CEMIP: variants seen among roughly 807,000 people sequenced by gnomAD.
The protein encoded by CEMIP is cell migration-inducing and hyaluronan-binding protein.
In CEMIP, 105 loss-of-function variants were observed where a neutral mutation model predicts 156.9. The ratio of observed to expected loss-of-function variants is 0.67; its 90% confidence interval spans 0.57 to 0.79. The LOEUF (loss-of-function observed/expected upper bound fraction) is 0.79, where lower values mean the gene tolerates loss of function less well. Ranked by LOEUF, CEMIP falls within the 30% of genes least tolerant of loss-of-function variation. The pLI is 0.00. For missense variants in CEMIP, 1,457 were observed against 1,769.4 expected (o/e 0.82, Z 3.17); for synonymous variants, 676 against 668.4 (o/e 1.01, Z -0.17).
At chr15:80,868,367 C>T (rs753261458) in intron 1 of CEMIP, among the ~76,000 whole-genome samples, 1 of 152,100 alleles carries the variant, frequency 6.6e-6, no homozygotes, top group Non-Finnish European at 1.5e-5. Flanking sequence ...TGTTATTGTT[C>T]CCATTTTACA....
At chr15:80,819,631 T>C (rs1346005188) in intron 1 of CEMIP, among the ~76,000 whole-genome samples, 1 of 152,124 alleles carries the variant, frequency 6.6e-6, no homozygotes, top group African/African-American at 2.4e-5. Flanking sequence ...TAAACAGAAA[T>C]TGGGGACTTT....
At chr15:80,800,262 G>T (rs1433968231) in intron 1 of CEMIP, among the ~76,000 whole-genome samples, 1 of 151,994 alleles carries the variant, frequency 6.6e-6, no homozygotes, top group Admixed American at 6.6e-5. Flanking sequence ...CATTCTTATA[G>T]CCCATGTGAG....
At chr15:80,919,117 G>C (rs1047661111) in intron 14 of CEMIP, among the ~76,000 whole-genome samples, 5 of 152,206 alleles carry the variant, frequency 3.3e-5, no homozygotes, top group African/African-American at 1.2e-4. Context: ...GGAAACCAAA[G>C]AGCTGGAGTT....
rs1899248414 is a variant in CEMIP, at chr15:80,896,860, G to T, written c.1411+800G>T. On this transcript the variant is annotated intron_variant, in intron 12 of 29. Transcript: ENST00000394685. ...TGAATAACTAACCTCCAAAAGGACA[G>T]GGAACAGGGTAGCTTCTGGGATCTG... is the stretch of plus-strand genomic sequence containing the variant. 2.0e-5 allele frequency among the ~76,000 whole-genome samples: 3 copies of T among 152,228 alleles called. 1 individual carries two copies. In the South Asian group the frequency reaches 6.2e-4, roughly 32 times the overall value.
At chr15:80,884,772 A>G (rs1898780229) in intron 7 of CEMIP, among the ~76,000 whole-genome samples, 1 of 152,190 alleles carries the variant, frequency 6.6e-6, no homozygotes, top group Admixed American at 6.5e-5. Context: ...GCAAATGACC[A>G]AGGAGAAGCA....
At chr15:80,913,776 C>T (rs982443523) in intron 14 of CEMIP, among the ~76,000 whole-genome samples, 1 of 152,240 alleles carries the variant, frequency 6.6e-6, no homozygotes, top group Admixed American at 6.5e-5. Context: ...AGACACTGGC[C>T]TCTGTAGTTA....
Position 80,931,980 on chromosome 15 carries a change from A to G in CEMIP, c.2734A>G (p.Asn912Asp). ...CAGCGCCCTGGCCTTCCGCCTGAAT[A>G]ATGCCTGGCAGAGCTGCCCCCATAA... ...HTSALAFRLN[N>D]AWQSCPHNNV... Residue 912 changes from asparagine (N) to aspartate (D), a missense_variant, in exon 22 of 30, where the codon AAT (asparagine) becomes GAT (aspartate). Physicochemically the swap from Asn to Asp is conservative, Grantham distance 23. This residue lies in a region of CEMIP where 798 missense variants were observed against 980.1 expected (regional missense o/e 0.81). Transcript: ENST00000394685. 6.2e-7 allele frequency: 1 copy of G among 1,614,164 alleles called. No individual in the cohort carries two copies.
At chr15:80,904,369 T>G (rs1169927902) in intron 12 of CEMIP, among the ~76,000 whole-genome samples, 7 of 152,060 alleles carry the variant, frequency 4.6e-5, no homozygotes, top group Non-Finnish European at 1.0e-4. Context: ...CCAGCCTGGG[T>G]GACAGGGCAA....
intron 1 of CEMIP, among the ~76,000 whole-genome samples, chr15:80,780,234 C>A (rs879776249): frequency 1.3e-5 from 2 of 152,364 alleles, no homozygotes; most frequent in East Asian, 3.9e-4. Context: ...GGGGGCTCTG[C>A]TGATGTTTAG....
chr15:80,871,236 G>C (rs1234728958), intron 1 of CEMIP, among the ~76,000 whole-genome samples: 2 of 152,164 alleles, frequency 1.3e-5, no homozygotes, highest in East Asian at 1.9e-4. Flanking sequence ...GGACAAGAAG[G>C]CACGGATGAC....
rs527425157 is a variant in CEMIP at position 80,888,605 on chromosome 15, T to A, written c.869-96T>A. ...AAATATTTTTAAAGAAATGAGTCAA[T>A]GCCCATGTGCGTAGGGGGGTTTCCT... On this transcript the variant is annotated intron_variant, in intron 8 of 29. Transcript: ENST00000394685. 8.1e-4 allele frequency: 726 copies of A among 893,196 alleles called. 2 individuals are homozygous for A. The highest frequency in any genetic ancestry group is 1.6e-3 in the African/African-American group (99 of 61,120). 55.3% of individuals were successfully genotyped at this position (893,196 alleles called of 1,614,324 possible).
chr15:80,877,577 CT>C (rs1898516613), intron 3 of CEMIP, among the ~76,000 whole-genome samples: 1 of 152,246 alleles, frequency 6.6e-6, no homozygotes, highest in Non-Finnish European at 1.5e-5. Context: ...TCCATTGTCT[CT>C]TCCCACCTGT....
chr15:80,788,869 G>A (rs886218901), intron 1 of CEMIP, among the ~76,000 whole-genome samples: 2 of 151,168 alleles, frequency 1.3e-5, no homozygotes, highest in African/African-American at 2.4e-5. Context: ...CTTTATATTA[G>A]ACACAAGGAA....
At chr15:80,899,639 C>T (rs986329820) in intron 12 of CEMIP, among the ~76,000 whole-genome samples, 5 of 151,698 alleles carry the variant, frequency 3.3e-5, no homozygotes, top group Non-Finnish European at 7.4e-5. Context: ...GGGAGGGCTG[C>T]ATGGGGCTCG....
chr15:80,938,885 T>C (rs1471450109), intron 25 of CEMIP, among the ~76,000 whole-genome samples: 2 of 152,152 alleles, frequency 1.3e-5, no homozygotes, highest in African/African-American at 4.8e-5. Flanking sequence ...GGGTAAAAGA[T>C]CAGTTGATGG....
Position 80,796,781 on chromosome 15 carries a change from G to A in CEMIP, c.-176+17167G>A, listed in dbSNP as rs572007463. The stretch of plus-strand genomic sequence containing the variant: ...CGCTCCTACCTTTCAATCTGGGAGC[G>A]TGGGGTGGGTGACTGGGGTCAGGAG... On this transcript the variant is annotated intron_variant, in intron 1 of 29. Coordinates refer to ENST00000394685, the MANE Select transcript of CEMIP (RefSeq NM_001293298.2). 4.6e-5 allele frequency among the ~76,000 whole-genome samples: 7 copies of A among 152,308 alleles called. No individual in the cohort carries two copies. The South Asian group carries it at 1.0e-3, about 23-fold the overall frequency.
At chr15:80,804,444 C>T (rs74030613) in intron 1 of CEMIP, among the ~76,000 whole-genome samples, 1,719 of 152,272 alleles carry the variant, frequency 0.011, 30 homozygotes, top group African/African-American at 0.033. Flanking sequence ...CTAGGTTTTA[C>T]TTTTAGCTTC....
In CEMIP at chr15:80,944,598, G is replaced by A. The variant is rs113253396; in HGVS notation, c.3857+1496G>A. Among the ~76,000 whole-genome samples the A allele has an allele frequency of 3.9e-4, 60 of 152,294 alleles. 1 individual carries two copies. In the South Asian group the frequency reaches 7.7e-3, roughly 19 times the overall value. On this transcript the variant is annotated intron_variant, in intron 28 of 29. Transcript: ENST00000394685. ...CCATGAGGGGCACGACGTGAACTGGGCACCTGGCGAGATTTTGGATAATGG... is the reference window on the plus strand; with the variant it reads ...CCATGAGGGGCACGACGTGAACTGGACACCTGGCGAGATTTTGGATAATGG...
chr15:80,906,451 C>T lies in CEMIP; in HGVS notation c.1412-212C>T, dbSNP rs1899806857. Among the ~76,000 whole-genome samples the T allele has an allele frequency of 2.0e-5, 3 of 152,308 alleles. 1 individual carries two copies. In the South Asian group the frequency reaches 6.2e-4, roughly 32 times the overall value. ...AATTAGCCATTTCTGCCAAAGGCTT[C>T]AGACCTAAGCCTGTGTAACTGTGAG... On this transcript the variant is annotated intron_variant, in intron 12 of 29. Transcript: ENST00000394685. This position sits in a 1 kb window ranked among gnomAD's most constrained non-coding sequence, Gnocchi z 4.3.
Sources: gnomAD v4.1 joint callset for allele counts (sites outside exome capture counted in the v4.1 genomes callset) on GRCh38, gnomAD v4.1.1 for gene constraint, gnomAD v4.1.1 regional missense constraint, Gnocchi (gnomAD v3.1) non-coding constraint, MANE v1.5 for transcripts, NCBI Gene and HGNC (gene_info 2026-07-23, HGNC 2026-07-21) for gene names.